ARL15: variants seen among roughly 807,000 people sequenced by gnomAD.
ARL15 encodes the protein ADP-ribosylation factor-like protein 15.
A neutral mutation model predicts 25.2 loss-of-function variants in ARL15; 19 were observed. That is an observed-to-expected ratio of 0.75 (90% CI 0.53 to 1.10). The LOEUF is 1.10. Among genes scored for constraint, ARL15 ranks in the 50% least tolerant of loss-of-function variants. The pLI is 0.00. For synonymous variants in ARL15, 94 were observed against 86.8 expected (o/e 1.08, Z -0.46); for missense variants, 220 against 246.0 (o/e 0.89, Z 0.71).
chr5:54,134,058 A>T (rs553198522), intron 3 of ARL15, among the ~76,000 whole-genome samples: 1 of 152,324 alleles, frequency 6.6e-6, no homozygotes, highest in Admixed American at 6.5e-5. Flanking sequence ...AAAAACTCAG[A>T]TGTAACTGCA....
chr5:54,281,619 G>A (rs573774355), intron 1 of ARL15, among the ~76,000 whole-genome samples: 72 of 152,132 alleles, frequency 4.7e-4, no homozygotes, highest in Non-Finnish European at 7.2e-4. Context: ...AACCGGAAAC[G>A]TCTCCAAACA....
At chr5:54,162,370 C>T (rs938932049) in intron 2 of ARL15, among the ~76,000 whole-genome samples, 7 of 152,128 alleles carry the variant, frequency 4.6e-5, no homozygotes, top group Non-Finnish European at 1.0e-4. Context: ...TCATATTGAA[C>T]CTTATCTTTC....
intron 4 of ARL15, among the ~76,000 whole-genome samples, chr5:54,008,790 G>T (rs1541681): frequency 0.28 from 42,892 of 152,048 alleles, 6,272 homozygotes; most frequent in East Asian, 0.46. Flanking sequence ...TTTAATATTT[G>T]AGTCTTCTTT....
intron 4 of ARL15, among the ~76,000 whole-genome samples, chr5:53,892,455 T>G (rs1187576112): frequency 6.6e-6 from 1 of 152,206 alleles, no homozygotes; most frequent in East Asian, 1.9e-4. Flanking sequence ...GTTAACTGTC[T>G]TGAACCACGT....
chr5:54,153,631 T>C (rs913959543), intron 3 of ARL15, among the ~76,000 whole-genome samples: 1 of 152,164 alleles, frequency 6.6e-6, no homozygotes, highest in Non-Finnish European at 1.5e-5. Flanking sequence ...TAAAAGTGAA[T>C]ATGAAATTGA....
At chr5:53,967,384 G>C (rs1324259087) in intron 4 of ARL15, among the ~76,000 whole-genome samples, 2 of 152,176 alleles carry the variant, frequency 1.3e-5, no homozygotes, top group African/African-American at 2.4e-5. Context: ...CCAAATGGGA[G>C]AAGGCAAAAG....
chr5:54,282,388 T>A (rs1320904741), intron 1 of ARL15: 1 of 985,352 alleles, frequency 1.0e-6, no homozygotes, highest in African/African-American at 1.7e-5. Context: ...ACTGTCTTCA[T>A]TCCCCTTGCT....
chr5:53,907,482 ATATATATTTTT>A (rs1266893199), intron 4 of ARL15, among the ~76,000 whole-genome samples: 58 of 31,280 alleles, frequency 1.9e-3, no homozygotes, highest in East Asian at 4.8e-3. Flanking sequence ...ATATATATAT[ATATATATTTTT>A]TTTTTTTTTT....
chr5:54,109,663 A>G (rs888677289), intron 4 of ARL15, among the ~76,000 whole-genome samples: 1 of 152,010 alleles, frequency 6.6e-6, no homozygotes, highest in Non-Finnish European at 1.5e-5. Context: ...TTCAATACAA[A>G]TGAGAAACCA....
At chr5:54,211,461 G>GATTT (rs1202343886) in intron 1 of ARL15, among the ~76,000 whole-genome samples, 1 of 135,566 alleles carries the variant, frequency 7.4e-6, no homozygotes, top group African/African-American at 2.8e-5. Context: ...GCGCTTAAAT[G>GATTT]AAACACTTTT....
chr5:54,207,214 C>T (rs1755895694), intron 1 of ARL15, among the ~76,000 whole-genome samples: 1 of 152,212 alleles, frequency 6.6e-6, no homozygotes, highest in Admixed American at 6.5e-5. Context: ...CCCATGGCCC[C>T]TTTCAATATA....
chr5:53,965,149 A>G (rs1001549053), intron 4 of ARL15, among the ~76,000 whole-genome samples: 13 of 152,218 alleles, frequency 8.5e-5, no homozygotes, highest in African/African-American at 2.7e-4. Flanking sequence ...ACACAATTGA[A>G]AGCTAGGTAT....
intron 4 of ARL15, among the ~76,000 whole-genome samples, chr5:53,914,772 C>G (rs530934783): frequency 6.6e-6 from 1 of 152,236 alleles, no homozygotes; most frequent in Non-Finnish European, 1.5e-5. Context: ...TTTTCTTTCT[C>G]TTTCTTTTTA....
chr5:54,285,324 T>A, intron 1 of ARL15: 1 of 863,888 alleles, frequency 1.2e-6, no homozygotes, highest in Non-Finnish European at 1.4e-6. Flanking sequence ...AAATTTGAAA[T>A]TAATGTGATT....
At chr5:53,931,940 T>C (rs965072774) in intron 4 of ARL15, among the ~76,000 whole-genome samples, 19 of 152,222 alleles carry the variant, frequency 1.2e-4, no homozygotes, top group African/African-American at 4.6e-4. Context: ...AGTAATTATT[T>C]AATTCAAAAA....
At chr5:54,027,042 A>G (rs1222008860) in intron 4 of ARL15, among the ~76,000 whole-genome samples, 1 of 152,206 alleles carries the variant, frequency 6.6e-6, no homozygotes, top group African/African-American at 2.4e-5. Context: ...CTCACTTGCG[A>G]CTAACTAAAG....
At chr5:54,260,204 CTTT>C (rs1207052792) in intron 1 of ARL15, among the ~76,000 whole-genome samples, 1 of 152,132 alleles carries the variant, frequency 6.6e-6, no homozygotes, top group African/African-American at 2.4e-5. Flanking sequence ...CTGCACTCTT[CTTT>C]CTTTCCTTGT....
chr5:53,897,742 C>A (rs958165586), intron 4 of ARL15, among the ~76,000 whole-genome samples: 3 of 152,040 alleles, frequency 2.0e-5, no homozygotes, highest in Non-Finnish European at 4.4e-5. Flanking sequence ...ACTTTATATC[C>A]TGAGATAAAC....
chr5:54,050,744 G>A lies in ARL15; in HGVS notation c.462+62458C>T, dbSNP rs576851797. ...TACCCGTGATCGCTTAGTAATCTTC[G>A]TGTCTATGAAATTCTACCTCTGAAA... On this transcript the variant is annotated intron_variant, in intron 4 of 4. Coordinates refer to ENST00000504924, the MANE Select transcript of ARL15 (RefSeq NM_019087.3). 4.6e-5 allele frequency among the ~76,000 whole-genome samples: 7 copies of A among 152,158 alleles called. No homozygotes were observed. The East Asian group carries it at 7.7e-4, about 17-fold the overall frequency.
Sources: gnomAD v4.1 joint callset for allele counts (sites outside exome capture counted in the v4.1 genomes callset) on GRCh38, gnomAD v4.1.1 for gene constraint, MANE v1.5 for transcripts, NCBI Gene and HGNC (gene_info 2026-07-23, HGNC 2026-07-21) for gene names.